Variants in HPS1 observed in about 807,000 individuals in gnomAD.
HPS1 encodes HPS1 biogenesis of lysosomal organelles complex 3 subunit 1, also known as BLOC-3 complex member HPS1.
HPS1 carries 59 observed loss-of-function variants against 90.6 expected under a neutral mutation model. That is an observed-to-expected ratio of 0.65 (90% CI 0.53 to 0.81). The LOEUF is 0.81. HPS1 is among the 30% of genes least tolerant of loss of function. The pLI is 0.00. For missense variants in HPS1, 849 were observed against 896.7 expected, an observed-to-expected ratio of 0.95 and a Z score of 0.68; for synonymous variants, 388 against 384.4, an observed-to-expected ratio of 1.01 and a Z score of -0.11.
Position 98,429,890 on chromosome 10 carries a change from C to T in HPS1, c.769-1G>A. 11 of 1,609,776 alleles carry T rather than the reference C, an allele frequency of 6.8e-6. No individual in the cohort carries two copies. Among genetic ancestry groups the T allele is most frequent in the South Asian group, 1.1e-5 (1 of 91,064 alleles). ...TGCTCCGGGCCCTCCGCGGGGAAGG[C>T]TGTGCAGGGCAGGGGAGAGGCTGGT... On this transcript the variant is annotated splice_acceptor_variant, in intron 8 of 19. Transcript: ENST00000361490. LOFTEE classifies it high-confidence loss of function.
intron 13 of HPS1, 72 bp from the exon 14 acceptor site, chr10:98,424,446 C>T: frequency 1.5e-6 from 2 of 1,351,834 alleles, no homozygotes; most frequent in Non-Finnish European, 2.1e-6. Flanking sequence ...AAGTCCTTCT[C>T]AGATCAGGCT....
At chr10:98,427,118 G>A in intron 11 of HPS1, 97 bp downstream of exon 11, 1 of 1,039,790 alleles carries the variant, frequency 9.6e-7, no homozygotes, top group Non-Finnish European at 1.5e-6. Context: ...GGCTGGCACG[G>A]GTAGAGTCAC....
At chr10:98,421,643 G>A (rs1055934958) in intron 17 of HPS1, among the ~76,000 whole-genome samples, 1 of 152,140 alleles carries the variant, frequency 6.6e-6, no homozygotes, top group South Asian at 2.1e-4. Flanking sequence ...CCAGAATGAG[G>A]GGCAAGGATG....
chr10:98,432,797 G>C (rs1404936714), intron 6 of HPS1, among the ~76,000 whole-genome samples: 2 of 152,112 alleles, frequency 1.3e-5, no homozygotes, highest in African/African-American at 2.4e-5. Context: ...TCTCACTCGT[G>C]GTGGCTTATT....
At chr10:98,424,211 T>C in intron 14 of HPS1, 102 bp downstream of exon 14, 1 of 903,644 alleles carries the variant, frequency 1.1e-6, no homozygotes, top group Non-Finnish European at 1.8e-6. Flanking sequence ...CTTGAAATTA[T>C]TTTGCTGATA....
At chr10:98,424,629 T>C (rs1373599369) in intron 13 of HPS1, among the ~76,000 whole-genome samples, 1 of 152,026 alleles carries the variant, frequency 6.6e-6, no homozygotes, top group Non-Finnish European at 1.5e-5. Context: ...CAGGCACACA[T>C]AGTAGCACCG....
In HPS1 at chr10:98,443,171, C is replaced by G. The variant is rs201870365; in HGVS notation, c.70G>C (p.Glu24Gln). The change falls in exon 3 of 20, where the codon GAG becomes CAG. Residue 24 changes from glutamate (E) to glutamine (Q), a missense_variant. Transcript: ENST00000361490. ...TGCCCGAACTTCAGCCGGAGACTCTCTTCAAACTCCTGATCTGTCCAGTAG... is the reference window on the plus strand; with the variant it reads ...TGCCCGAACTTCAGCCGGAGACTCTGTTCAAACTCCTGATCTGTCCAGTAG... ...LFYWTDQEFE[E>Q]SLRLKFGQSE... The G allele has an allele frequency of 3.7e-6, 6 of 1,614,146 alleles. No individual in the cohort carries two copies. In the East Asian group the frequency reaches 1.3e-4, roughly 36 times the overall value.
intron 17 of HPS1, among the ~76,000 whole-genome samples, chr10:98,422,086 CAGTT>C (rs759241287): frequency 6.6e-6 from 1 of 152,074 alleles, no homozygotes; most frequent in Admixed American, 6.6e-5. Flanking sequence ...GAAAAACAGT[CAGTT>C]AAATAAGGAG....
At chr10:98,439,843 C>A (rs1299763843) in intron 3 of HPS1, among the ~76,000 whole-genome samples, 2 of 152,156 alleles carry the variant, frequency 1.3e-5, no homozygotes, top group Non-Finnish European at 1.5e-5. Context: ...TCCCCATAAT[C>A]CCCACAATCC....
chr10:98,427,083 C>A (rs1178338344), intron 11 of HPS1, 132 bp downstream of exon 11: 15 of 736,944 alleles, frequency 2.0e-5, no homozygotes, highest in Non-Finnish European at 3.5e-5. Context: ...CCTGCACTGA[C>A]CAGCCCTGGG....
At chr10:98,423,721 C>T (rs762755157) in intron 15 of HPS1, 32 bp downstream of exon 15, 8 of 1,613,964 alleles carry the variant, frequency 5.0e-6, no homozygotes, top group Non-Finnish European at 4.2e-6. Context: ...CAGACCCTGC[C>T]CTGGCCACCC....
At chr10:98,422,537 T>C in intron 16 of HPS1, 24 bp from the exon 17 acceptor site, 1 of 1,613,126 alleles carries the variant, frequency 6.2e-7, no homozygotes, top group Middle Eastern at 1.6e-4. Context: ...TTAAGGTGCT[T>C]ACAAGCCAGG....
chr10:98,424,242 G>T, intron 14 of HPS1, 71 bp downstream of exon 14: 1 of 1,077,190 alleles, frequency 9.3e-7, no homozygotes. Context: ...AGTGGTGGAG[G>T]AGATGTGGCC....
chr10:98,444,199 C>T lies in HPS1; in HGVS notation c.1-959G>A, dbSNP rs567878176. On this transcript the variant is annotated intron_variant, in intron 2 of 19. Transcript: ENST00000361490. ...GCCTAAAGCCCCTGTACCTAGTAGG[C>T]TGCAGCTTCTAGGGCCACAGCCACC... Among the ~76,000 whole-genome samples the T allele has an allele frequency of 6.9e-4, 105 of 152,234 alleles. 1 individual carries two copies. The highest frequency in any genetic ancestry group is 2.4e-3 in the African/African-American group (98 of 41,538).
intron 10 of HPS1, 121 bp from the exon 11 acceptor site, chr10:98,427,385 A>C: frequency 1.0e-5 from 8 of 790,256 alleles, no homozygotes; most frequent in Non-Finnish European, 1.7e-5. Flanking sequence ...TGCCAGCTCC[A>C]CGCAGGGGTG....
chr10:98,422,334 G>T, intron 17 of HPS1, 35 bp downstream of exon 17: 1 of 1,583,606 alleles, frequency 6.3e-7, no homozygotes, highest in Non-Finnish European at 8.6e-7. Flanking sequence ...ATTGGCTGAG[G>T]CCCACCCATC....
rs1564831653 is a variant in HPS1, at chr10:98,422,350, C to A, written c.1743+19G>T. 2 of 1,609,954 alleles carry A rather than the reference C, an allele frequency of 1.2e-6. No individual in the cohort carries two copies. The highest frequency in any genetic ancestry group is 1.7e-6 in the Non-Finnish European group (2 of 1,177,794). On this transcript the variant is annotated intron_variant, in intron 17 of 19. Transcript: ENST00000361490. ...TTGGCTGAGGCCCACCCATCCCCGC[C>A]CTGGGTCCAAATGGTTACCTTAGTT...
intron 18 of HPS1, among the ~76,000 whole-genome samples, chr10:98,419,170 T>C (rs1033311710): frequency 2.0e-5 from 3 of 151,802 alleles, no homozygotes; most frequent in Non-Finnish European, 4.4e-5. Context: ...GTAACCGCCC[T>C]GCCCTATGGA....
rs1184431501 is a variant in HPS1 at position 98,435,060 on chromosome 10, T to A, written c.398+212A>T. On this transcript the variant is annotated intron_variant, in intron 5 of 19. Coordinates refer to ENST00000361490, the MANE Select transcript of HPS1 (RefSeq NM_000195.5). This position sits in a 1 kb window ranked among gnomAD's most constrained non-coding sequence, Gnocchi z 4.3. Reference sequence around the variant, plus strand: ...AACCAGCTAGATGACCCCAGGCAAGTGAGTTCCATTCTCTGCTCTGTTTCA... The same window carrying A: ...AACCAGCTAGATGACCCCAGGCAAGAGAGTTCCATTCTCTGCTCTGTTTCA... The A allele has an allele frequency of 5.0e-6, 3 of 599,304 alleles. No homozygotes were observed. In the Admixed American group the frequency reaches 8.5e-5, roughly 17 times the overall value. The allele number at this position is 599,304 out of a possible 1,614,324, so 37.1% of individuals were successfully genotyped here.
Sources: allele counts gnomAD v4.1 joint callset (sites outside exome capture counted in the v4.1 genomes callset), GRCh38; gene constraint gnomAD v4.1.1; non-coding constraint Gnocchi (gnomAD v3.1); transcripts MANE v1.5; gene names NCBI Gene and HGNC (gene_info 2026-07-23, HGNC 2026-07-21).